The following ITGBL1 variants were observed in gnomAD, a reference collection of about 807,000 sequenced individuals.
ITGBL1 encodes the protein integrin subunit beta like 1.
Under a neutral mutation model 68.5 loss-of-function variants are expected in ITGBL1, and 51 were observed. The observed-to-expected ratio is 0.74, with a 90% CI of 0.59 to 0.94. ITGBL1 has a LOEUF of 0.94. Among genes scored for constraint, ITGBL1 ranks in the 40% least tolerant of loss-of-function variants. The probability of loss-of-function intolerance (pLI) is 0.00; values close to 1 mark genes in which losing one functional copy is unlikely to be tolerated. For synonymous variants in ITGBL1, 209 were observed against 227.3 expected (o/e 0.92, Z 0.72); for missense variants, 649 against 647.4 (o/e 1.00, Z -0.03).
At chr13:101,531,277 G>A (rs998953077) in intron 2 of ITGBL1, among the ~76,000 whole-genome samples, 1 of 152,048 alleles carries the variant, frequency 6.6e-6, no homozygotes, top group African/African-American at 2.4e-5. Context: ...ATATGTTTTC[G>A]GGGCTCTGAT....
chr13:101,615,185 T>C (rs1294360304), intron 7 of ITGBL1, among the ~76,000 whole-genome samples: 1 of 152,102 alleles, frequency 6.6e-6, no homozygotes, highest in Non-Finnish European at 1.5e-5. Flanking sequence ...CATGGCTATC[T>C]TACCTGCCTC....
At chr13:101,577,161 G>A (rs1405863148) in intron 4 of ITGBL1, among the ~76,000 whole-genome samples, 3 of 152,192 alleles carry the variant, frequency 2.0e-5, no homozygotes, top group African/African-American at 7.2e-5. Context: ...CTCTGAACAA[G>A]GACACCAGCA....
At chr13:101,678,595 G>A (rs1170431248) in intron 7 of ITGBL1, among the ~76,000 whole-genome samples, 1 of 151,828 alleles carries the variant, frequency 6.6e-6, no homozygotes, top group Non-Finnish European at 1.5e-5. Flanking sequence ...TGCCTCCTGG[G>A]TTCATGCAGT....
intron 2 of ITGBL1, among the ~76,000 whole-genome samples, chr13:101,527,854 GTATT>G (rs1349756647): frequency 1.3e-5 from 2 of 151,746 alleles, no homozygotes; most frequent in African/African-American, 4.8e-5. Context: ...AAATTTTATC[GTATT>G]TATTTAGGAA....
At position 101,604,887 on chromosome 13, in the gene ITGBL1, T is replaced by TACACACATACATACACAC. The variant is rs1555361675; in HGVS notation, c.1015+6595_1015+6596insTACATACACACACACACA. ...ATATATATATATATATATATATATA[T>TACACACATACATACACAC]ACACACACACACACATATATATGTG... On this transcript the variant is annotated intron_variant, in intron 7 of 10. Transcript: ENST00000376180. Among the ~76,000 whole-genome samples, 50 of 22,164 alleles carry TACACACATACATACACAC rather than the reference T, an allele frequency of 2.3e-3. 2 individuals are homozygous for TACACACATACATACACAC. Among genetic ancestry groups the TACACACATACATACACAC allele is most frequent in the South Asian group, 5.1e-3 (2 of 390 alleles). The allele number at this position is 22,164 out of a possible 152,430, so 14.5% of individuals were successfully genotyped here.
At chr13:101,706,957 A>G in intron 9 of ITGBL1, 55 bp downstream of exon 9, 1 of 1,562,808 alleles carries the variant, frequency 6.4e-7, no homozygotes, top group Non-Finnish European at 8.8e-7. Context: ...CATGATTTGT[A>G]GAACAGCATG....
chr13:101,693,770 T>C (rs2033938608), intron 8 of ITGBL1, among the ~76,000 whole-genome samples: 1 of 152,216 alleles, frequency 6.6e-6, no homozygotes, highest in Admixed American at 6.5e-5. Context: ...AAAAATACTT[T>C]CTTCTTTCCT....
intron 7 of ITGBL1, among the ~76,000 whole-genome samples, chr13:101,600,065 A>G (rs1303473047): frequency 6.6e-6 from 1 of 152,202 alleles, no homozygotes; most frequent in African/African-American, 2.4e-5. Flanking sequence ...CTTCCTATCC[A>G]TGAGCATGGA....
intron 7 of ITGBL1, among the ~76,000 whole-genome samples, chr13:101,621,826 A>C (rs1000495154): frequency 1.3e-5 from 2 of 152,176 alleles, no homozygotes; most frequent in African/African-American, 4.8e-5. Context: ...TGAGGGGATA[A>C]TTGAAATAAG....
At chr13:101,585,807 A>G (rs1925992) in intron 6 of ITGBL1, among the ~76,000 whole-genome samples, 30,861 of 152,166 alleles carry the variant, frequency 0.2, 3,231 homozygotes, top group Non-Finnish European at 0.23. Context: ...GGAGGCATAT[A>G]AAAGGCAGTA....
intron 2 of ITGBL1, among the ~76,000 whole-genome samples, chr13:101,463,773 A>G (rs1265757688): frequency 2.1e-5 from 3 of 145,246 alleles, no homozygotes; most frequent in Non-Finnish European, 4.4e-5. Context: ...ATAAAAAAAC[A>G]AAATCAAAAT....
At chr13:101,614,769 C>T (rs2031282666) in intron 7 of ITGBL1, among the ~76,000 whole-genome samples, 1 of 152,134 alleles carries the variant, frequency 6.6e-6, no homozygotes. Context: ...CAGAGAGAGG[C>T]TCCTCAGGAC....
At chr13:101,648,173 A>G (rs71441517) in intron 7 of ITGBL1, among the ~76,000 whole-genome samples, 4,176 of 152,316 alleles carry the variant, frequency 0.027, 92 homozygotes, top group Non-Finnish European at 0.042. Flanking sequence ...AGTGTCCTAC[A>G]TTCAATAAAA....
chr13:101,498,772 G>A (rs988436030), intron 2 of ITGBL1, among the ~76,000 whole-genome samples: 43 of 152,264 alleles, frequency 2.8e-4, no homozygotes, highest in African/African-American at 1.0e-3. Context: ...CTAGGTTTCT[G>A]TGTTAGCCTG....
At chr13:101,497,619 TTTTAA>T (rs1047585291) in intron 2 of ITGBL1, among the ~76,000 whole-genome samples, 30 of 152,278 alleles carry the variant, frequency 2.0e-4, no homozygotes, top group African/African-American at 7.0e-4. Flanking sequence ...ACTTGGTGTG[TTTTAA>T]TTTAAGTTGG....
chr13:101,464,282 C>CT (rs1418320866), intron 2 of ITGBL1, among the ~76,000 whole-genome samples: 6 of 152,204 alleles, frequency 3.9e-5, no homozygotes, highest in East Asian at 1.9e-4. Flanking sequence ...CATCACATTT[C>CT]TGTTTTTTTA....
In ITGBL1 at chr13:101,606,005, CAT is replaced by C. The variant is rs530122893; in HGVS notation, c.1015+7713_1015+7714del. 1.0e-3 allele frequency among the ~76,000 whole-genome samples: 150 copies of C among 144,078 alleles called. 5 individuals are homozygous for C. Among genetic ancestry groups the C allele is most frequent in the East Asian group, 7.2e-3 (36 of 4,990 alleles). The allele number at this position is 144,078 out of a possible 152,430, so 94.5% of individuals were successfully genotyped here. Reference sequence around the variant, plus strand: ...GTGTATATATATGTGTATATATACACATATATATGTATATATGTTATATAGCA... The same window carrying C: ...GTGTATATATATGTGTATATATACACATATATGTATATATGTTATATAGCA... On this transcript the variant is annotated intron_variant, in intron 7 of 10. Coordinates refer to ENST00000376180, the MANE Select transcript of ITGBL1 (RefSeq NM_004791.3).
At chr13:101,698,149 G>C (rs954353348) in intron 8 of ITGBL1, among the ~76,000 whole-genome samples, 1 of 152,174 alleles carries the variant, frequency 6.6e-6, no homozygotes, top group Admixed American at 6.5e-5. Flanking sequence ...TAAACCATAA[G>C]ATCTGTGGCC....
intron 3 of ITGBL1, among the ~76,000 whole-genome samples, chr13:101,569,337 G>T (rs1202421983): frequency 2.6e-5 from 4 of 152,020 alleles, no homozygotes; most frequent in African/African-American, 9.7e-5. Flanking sequence ...TAATATTAAG[G>T]AATCTAAACA....
Sources: gnomAD v4.1 joint callset for allele counts (sites outside exome capture counted in the v4.1 genomes callset) on GRCh38, gnomAD v4.1.1 for gene constraint, MANE v1.5 for transcripts, NCBI Gene and HGNC (gene_info 2026-07-23, HGNC 2026-07-21) for gene names.